The following STARD3NL variants were observed in gnomAD, a reference collection of about 807,000 sequenced individuals.
STARD3NL encodes STARD3 N-terminal like, also known as STARD3 N-terminal-like protein.
A neutral mutation model predicts 30.9 loss-of-function variants in STARD3NL; 17 were observed. That is an observed-to-expected ratio of 0.55 (90% CI 0.38 to 0.82). STARD3NL has a LOEUF of 0.82. Ranked by LOEUF, STARD3NL falls within the 40% of genes least tolerant of loss-of-function variation. The pLI is 0.00. For synonymous variants in STARD3NL, 112 were observed against 100.5 expected (o/e 1.11, Z -0.69); for missense variants, 234 against 277.6 (o/e 0.84, Z 1.12).
intron 4 of STARD3NL, 135 bp from the exon 5 acceptor site, chr7:38,216,890 G>A: frequency 1.0e-6 from 1 of 975,624 alleles, no homozygotes; most frequent in Non-Finnish European, 1.6e-6. Context: ...TGAGTGATAT[G>A]GGAAGGAGCC....
intron 1 of STARD3NL, among the ~76,000 whole-genome samples, chr7:38,185,189 G>T (rs1200172225): frequency 2.0e-5 from 3 of 152,036 alleles, no homozygotes; most frequent in African/African-American, 7.2e-5. Context: ...TCTTCTTGAG[G>T]GTCTGATTTT....
intron 6 of STARD3NL, among the ~76,000 whole-genome samples, chr7:38,219,219 A>G (rs1583824369): frequency 6.6e-6 from 1 of 151,950 alleles, no homozygotes; most frequent in Non-Finnish European, 1.5e-5. Flanking sequence ...GCTAATTTTT[A>G]AATTTTTTAT....
intron 1 of STARD3NL, chr7:38,198,302 T>C (rs1009835313): frequency 2.6e-5 from 4 of 152,236 alleles, no homozygotes; most frequent in African/African-American, 9.6e-5. Flanking sequence ...TAGGTGAAGA[T>C]TGAGGCCAAC....
At chr7:38,185,024 CTTA>C (rs1225452022) in intron 1 of STARD3NL, among the ~76,000 whole-genome samples, 2 of 151,684 alleles carry the variant, frequency 1.3e-5, no homozygotes, top group Admixed American at 6.6e-5. Flanking sequence ...TGAGTCTGTT[CTTA>C]TTATTAGACT....
chr7:38,222,141 T>TCA (rs3223376), intron 7 of STARD3NL, among the ~76,000 whole-genome samples: 14,853 of 144,024 alleles, frequency 0.1, 793 homozygotes, highest in South Asian at 0.13. Flanking sequence ...GTTAATATTT[T>TCA]CACACACACA....
chr7:38,207,840 C>A, intron 2 of STARD3NL, 111 bp downstream of exon 2: 1 of 1,024,844 alleles, frequency 9.8e-7, no homozygotes, highest in Non-Finnish European at 1.4e-6. Context: ...CATCTTTTTC[C>A]AAATGAAGCC....
At chr7:38,188,859 T>TA (rs1234239380) in intron 1 of STARD3NL, among the ~76,000 whole-genome samples, 4 of 152,326 alleles carry the variant, frequency 2.6e-5, no homozygotes, top group Admixed American at 1.3e-4. Context: ...TGCGTTGCTT[T>TA]AAAAAACAGT....
intron 7 of STARD3NL, among the ~76,000 whole-genome samples, chr7:38,227,519 G>GTAGA (rs1330965729): frequency 6.6e-6 from 1 of 152,060 alleles, no homozygotes; most frequent in African/African-American, 2.4e-5. Context: ...TATAATTCAG[G>GTAGA]TAGACATTCT....
chr7:38,195,944 C>A (rs796750330), intron 1 of STARD3NL, among the ~76,000 whole-genome samples: 1 of 152,180 alleles, frequency 6.6e-6, no homozygotes, highest in South Asian at 2.1e-4. Context: ...TGAACCCAGC[C>A]CTTCTCCTTG....
intron 1 of STARD3NL, among the ~76,000 whole-genome samples, chr7:38,197,729 G>A (rs1253755852): frequency 6.6e-6 from 1 of 152,174 alleles, no homozygotes; most frequent in African/African-American, 2.4e-5. Context: ...CTGTCTTGCT[G>A]TGTTTTAGTA....
At chr7:38,201,898 A>G (rs1439634389) in intron 1 of STARD3NL, 1 of 152,274 alleles carries the variant, frequency 6.6e-6, no homozygotes, top group Non-Finnish European at 1.5e-5. Context: ...TATGTTGGCC[A>G]GTCTGGTCTT....
intron 1 of STARD3NL, among the ~76,000 whole-genome samples, chr7:38,182,994 A>G (rs1363508508): frequency 6.6e-6 from 1 of 152,210 alleles, no homozygotes; most frequent in African/African-American, 2.4e-5. Flanking sequence ...ATTGCTCACC[A>G]AAGTATATTC....
chr7:38,219,485 C>T (rs1786322426), intron 6 of STARD3NL, 80 bp from the exon 7 acceptor site: 15 of 909,590 alleles, frequency 1.6e-5, no homozygotes, highest in South Asian at 4.7e-5. Context: ...ATAATAATAC[C>T]ATTTTATTTT....
At chr7:38,226,160 T>TTTTG (rs1786753391) in intron 7 of STARD3NL, among the ~76,000 whole-genome samples, 1 of 132,472 alleles carries the variant, frequency 7.5e-6, no homozygotes, top group South Asian at 2.2e-4. Context: ...TTGTTTTTTT[T>TTTTG]TTTTTTTTTT....
chr7:38,196,697 T>G (rs1784911657), intron 1 of STARD3NL, among the ~76,000 whole-genome samples: 1 of 152,234 alleles, frequency 6.6e-6, no homozygotes. Context: ...TTTAAATGCC[T>G]TATAGAATTT....
At chr7:38,180,007 T>C (rs1007967473) in intron 1 of STARD3NL, among the ~76,000 whole-genome samples, 18 of 152,196 alleles carry the variant, frequency 1.2e-4, no homozygotes, top group African/African-American at 4.3e-4. Flanking sequence ...GAGGAGACAG[T>C]GGTCAGAGGT....
At chr7:38,219,693 C>A in intron 7 of STARD3NL, 33 bp downstream of exon 7, 1 of 1,563,128 alleles carries the variant, frequency 6.4e-7, no homozygotes, top group Non-Finnish European at 8.8e-7. Context: ...GTGCTTGTAT[C>A]TCTCATTCAA....
chr7:38,229,770 C>G (rs1240835871), intron 8 of STARD3NL, among the ~76,000 whole-genome samples, 153 bp from the exon 9 acceptor site: 1 of 152,234 alleles, frequency 6.6e-6, no homozygotes, highest in East Asian at 1.9e-4. Flanking sequence ...AATGTTTTAA[C>G]ATGAATTCTA....
At chr7:38,193,669 G>A (rs11766931) in intron 1 of STARD3NL, among the ~76,000 whole-genome samples, 18,136 of 152,242 alleles carry the variant, frequency 0.12, 1,317 homozygotes, top group East Asian at 0.22. Flanking sequence ...ATGTTTGTCT[G>A]ACTTGTGGGA....
Sources: allele counts gnomAD v4.1 joint callset (sites outside exome capture counted in the v4.1 genomes callset), GRCh38; gene constraint gnomAD v4.1.1; transcripts MANE v1.5; gene names NCBI Gene and HGNC (gene_info 2026-07-23, HGNC 2026-07-21).